MALRD1: variants seen among roughly 807,000 people sequenced by gnomAD.
The protein encoded by MALRD1 is MAM and LDL receptor class A domain containing 1.
In MALRD1, 247 loss-of-function variants were observed where a neutral mutation model predicts 242.1. The observed-to-expected ratio is 1.02, with a 90% CI of 0.92 to 1.13. The LOEUF (loss-of-function observed/expected upper bound fraction) is 1.13. Ranked by LOEUF, MALRD1 falls within the 50% of genes most tolerant of loss-of-function variation. MALRD1 has a pLI of 0.00. For synonymous variants in MALRD1, 995 were observed against 866.6 expected, an observed-to-expected ratio of 1.15 and a Z score of -2.60; for missense variants, 2,989 against 2,533.1, an observed-to-expected ratio of 1.18 and a Z score of -3.86.
intron 24 of MALRD1, among the ~76,000 whole-genome samples, chr10:19,343,819 G>A (rs1843990474): frequency 1.3e-5 from 2 of 152,062 alleles, no homozygotes; most frequent in African/African-American, 2.4e-5. Context: ...ACGTCCTTGT[G>A]ATGATTTGGT....
At chr10:19,101,344 A>T (rs1014252827) in intron 4 of MALRD1, among the ~76,000 whole-genome samples, 4 of 143,088 alleles carry the variant, frequency 2.8e-5, no homozygotes, top group Non-Finnish European at 6.0e-5. Context: ...ACTTGGATAT[A>T]TATAATATAT....
chr10:19,234,723 C>G (rs551808877), intron 18 of MALRD1, among the ~76,000 whole-genome samples: 255 of 152,072 alleles, frequency 1.7e-3, no homozygotes, highest in Non-Finnish European at 3.3e-3. Context: ...CACTATGCCA[C>G]TTGGTGGAGA....
chr10:19,696,509 A>G (rs1219479277), intron 38 of MALRD1, among the ~76,000 whole-genome samples: 1 of 152,160 alleles, frequency 6.6e-6, no homozygotes, highest in African/African-American at 2.4e-5. Context: ...TTCAGCCTGC[A>G]GTCATGTGAA....
At chr10:19,704,269 G>C (rs144262175) in intron 38 of MALRD1, among the ~76,000 whole-genome samples, 1 of 152,066 alleles carries the variant, frequency 6.6e-6, no homozygotes, top group Non-Finnish European at 1.5e-5. Context: ...TAAACTCGGT[G>C]GTATAAACAA....
intron 13 of MALRD1, among the ~76,000 whole-genome samples, chr10:19,171,153 G>T (rs979354919): frequency 4.6e-5 from 7 of 151,462 alleles, no homozygotes; most frequent in Non-Finnish European, 7.4e-5. Context: ...CTAAAAGCAA[G>T]AAATTATTTT....
At chr10:19,547,781 GATACATATATATATATATATATATATAT>G (rs1257169114) in intron 32 of MALRD1, among the ~76,000 whole-genome samples, 3 of 37,550 alleles carry the variant, frequency 8.0e-5, no homozygotes, top group Admixed American at 5.3e-4. Context: ...GAACTTCACA[GATACATATATATATATATATATATATAT>G]ATATATATAT....
intron 32 of MALRD1, among the ~76,000 whole-genome samples, chr10:19,538,648 A>G (rs1834791840): frequency 6.6e-6 from 1 of 152,194 alleles, no homozygotes; most frequent in Non-Finnish European, 1.5e-5. Flanking sequence ...TTAACTTGGC[A>G]CTGAACAAGA....
chr10:19,384,573 TATA>T (rs1162801269), intron 26 of MALRD1, among the ~76,000 whole-genome samples: 19 of 124,208 alleles, frequency 1.5e-4, no homozygotes, highest in East Asian at 1.1e-3. Flanking sequence ...GTGTATATAA[TATA>T]ATATTTACTA....
At chr10:19,087,778 A>C (rs1835722149) in intron 2 of MALRD1, 62 bp from the exon 3 acceptor site, 3 of 798,410 alleles carry the variant, frequency 3.8e-6, no homozygotes, top group Middle Eastern at 2.5e-4. Context: ...TTTGCTATCA[A>C]ATAGTAGGTC....
chr10:19,237,768 T>A (rs1267886172), intron 18 of MALRD1, among the ~76,000 whole-genome samples: 2 of 124,726 alleles, frequency 1.6e-5, no homozygotes, highest in Non-Finnish European at 3.1e-5. Flanking sequence ...TAATTATATA[T>A]AAAAACATAA....
chr10:19,138,651 C>T (rs1375359883), intron 10 of MALRD1, among the ~76,000 whole-genome samples: 1 of 152,112 alleles, frequency 6.6e-6, no homozygotes, highest in Non-Finnish European at 1.5e-5. Flanking sequence ...AACTCCTGAT[C>T]TCAGGTGATC....
chr10:19,314,776 C>G (rs1283168562), intron 21 of MALRD1, among the ~76,000 whole-genome samples: 2 of 151,288 alleles, frequency 1.3e-5, no homozygotes, highest in South Asian at 2.1e-4. Flanking sequence ...GACCATATAG[C>G]CTTCAAAGTC....
intron 17 of MALRD1, among the ~76,000 whole-genome samples, chr10:19,208,033 A>C (rs10827060): frequency 0.74 from 111,685 of 151,902 alleles, 41,300 homozygotes; most frequent in South Asian, 0.83. Flanking sequence ...CTCAGAATGA[A>C]CTGCAACTCA....
chr10:19,642,459 A>G (rs1168016719), intron 36 of MALRD1, among the ~76,000 whole-genome samples: 1 of 152,174 alleles, frequency 6.6e-6, no homozygotes, highest in East Asian at 1.9e-4. Flanking sequence ...ACCCTCTTAC[A>G]TTGCTACCTC....
At chr10:19,662,114 G>A (rs1344186278) in intron 36 of MALRD1, among the ~76,000 whole-genome samples, 3 of 151,886 alleles carry the variant, frequency 2.0e-5, no homozygotes, top group Admixed American at 1.3e-4. Context: ...TAATTATTAT[G>A]TACTATTCTA....
At chr10:19,421,845 A>C (rs1041943139) in intron 28 of MALRD1, among the ~76,000 whole-genome samples, 2 of 152,170 alleles carry the variant, frequency 1.3e-5, no homozygotes, top group Non-Finnish European at 1.5e-5. Context: ...CTTGAAAGAC[A>C]TGTTGAGAGT....
intron 29 of MALRD1, among the ~76,000 whole-genome samples, chr10:19,486,312 A>G (rs879840819): frequency 2.6e-5 from 4 of 152,176 alleles, no homozygotes; most frequent in Admixed American, 2.6e-4. Flanking sequence ...ACTCATGAAC[A>G]TCTTTGAGTC....
intron 5 of MALRD1, among the ~76,000 whole-genome samples, chr10:19,118,340 A>T (rs1242703394): frequency 6.6e-6 from 1 of 152,228 alleles, no homozygotes; most frequent in Admixed American, 6.5e-5. Flanking sequence ...TGGTTGGGCT[A>T]CAAGTTGGTT....
chr10:19,058,308 A>G (rs1217114759), intron 1 of MALRD1, among the ~76,000 whole-genome samples: 2 of 152,178 alleles, frequency 1.3e-5, no homozygotes, highest in African/African-American at 2.4e-5. Context: ...ATATGAGGCA[A>G]TTTCATGAAA....
Sources: gnomAD v4.1 joint callset for allele counts (sites outside exome capture counted in the v4.1 genomes callset) on GRCh38, gnomAD v4.1.1 for gene constraint, MANE v1.5 for transcripts, NCBI Gene and HGNC (gene_info 2026-07-23, HGNC 2026-07-21) for gene names.